ABLIM2: variants seen among roughly 807,000 people sequenced by gnomAD.
ABLIM2 encodes actin-binding LIM protein 2.
ABLIM2 carries 53 observed loss-of-function variants against 97.7 expected under a neutral mutation model. The ratio of observed to expected loss-of-function variants is 0.54; its 90% CI spans 0.44 to 0.68. The LOEUF (loss-of-function observed/expected upper bound fraction) is 0.68. ABLIM2 is among the 30% of genes least tolerant of loss of function. The pLI is 0.00. For synonymous variants in ABLIM2, 361 were observed against 345.8 expected, an observed-to-expected ratio of 1.04 and a Z score of -0.49; for missense variants, 835 against 867.2, an observed-to-expected ratio of 0.96 and a Z score of 0.47.
chr4:8,010,355 A>C (rs998852806), intron 14 of ABLIM2: 1 of 985,164 alleles, frequency 1.0e-6, no homozygotes, highest in African/African-American at 1.7e-5. Context: ...ACAATTACAC[A>C]AAAACCCGTC....
At chr4:8,131,849 G>C (rs1024863277) in intron 1 of ABLIM2, among the ~76,000 whole-genome samples, 3 of 119,432 alleles carry the variant, frequency 2.5e-5, no homozygotes, top group Non-Finnish European at 4.8e-5. Flanking sequence ...GCATCCCTGA[G>C]CACAGCAGCC....
rs113454873 is a variant in ABLIM2 at position 8,140,481 on chromosome 4, G to T, written c.10+18199C>A. 6.6e-6 allele frequency among the ~76,000 whole-genome samples: 1 copy of T among 152,118 alleles called. No individual in the cohort carries two copies. The highest frequency in any genetic ancestry group is 2.4e-5 in the African/African-American group (1 of 41,394). On this transcript the variant is annotated intron_variant, in intron 1 of 20. Transcript: ENST00000447017. The surrounding 1 kb of genome is among the most constrained non-coding windows in gnomAD (Gnocchi z 5.9). ...CCACCTGGAGGCTTGGAAACCTGGCGGGGAGCATGGGGGAAAGGGGGCAGT... is the reference window on the plus strand; with the variant it reads ...CCACCTGGAGGCTTGGAAACCTGGCTGGGAGCATGGGGGAAAGGGGGCAGT...
At position 8,149,531 on chromosome 4, in the gene ABLIM2, A is replaced by T. The variant is rs528058534; in HGVS notation, c.10+9149T>A. Among the ~76,000 whole-genome samples the T allele has an allele frequency of 1.9e-3, 291 of 151,904 alleles. 2 individuals are homozygous for T. The highest frequency in any genetic ancestry group is 6.6e-3 in the African/African-American group (275 of 41,420). On this transcript the variant is annotated intron_variant, in intron 1 of 20. Transcript: ENST00000447017. This position sits in a 1 kb window ranked among gnomAD's most constrained non-coding sequence, Gnocchi z 6.4. ...AAGGAGGGAAGCAGAGGGCCTAGAG[A>T]TGGGAAGAAAGCTTCACAGAGGCCC...
At chr4:8,088,935 C>CT (rs1825564275) in intron 3 of ABLIM2, among the ~76,000 whole-genome samples, 1 of 152,176 alleles carries the variant, frequency 6.6e-6, no homozygotes, top group South Asian at 2.1e-4. Flanking sequence ...ACCTGGGCCT[C>CT]TAAGAGGGCA....
At chr4:8,040,604 C>G (rs1787747040) in intron 9 of ABLIM2, among the ~76,000 whole-genome samples, 1 of 131,932 alleles carries the variant, frequency 7.6e-6, no homozygotes, top group African/African-American at 2.7e-5. Context: ...GAGCGAGACT[C>G]CATTTCAAAA....
At chr4:8,107,206 A>T (rs1381925834) in intron 1 of ABLIM2, among the ~76,000 whole-genome samples, 2 of 152,274 alleles carry the variant, frequency 1.3e-5, no homozygotes, top group Admixed American at 1.3e-4. Flanking sequence ...AAGCCACCAC[A>T]GTACAGGACA....
In ABLIM2 at chr4:7,985,067, G is replaced by A. The variant is rs997211233; in HGVS notation, c.1681-174C>T. ...CAGAAGGACAGCAACAGTGGCTTGG[G>A]AAGGGGAGAGTCCAGGATGCTGTGC... On this transcript the variant is annotated intron_variant, in intron 17 of 20. Coordinates refer to ENST00000447017, the MANE Select transcript of ABLIM2 (RefSeq NM_001130083.2). 5.3e-5 allele frequency among the ~76,000 whole-genome samples: 8 copies of A among 152,338 alleles called. No homozygotes were observed. In the South Asian group the frequency reaches 6.2e-4, roughly 12 times the overall value.
chr4:8,145,549 G>A (rs1339436797), intron 1 of ABLIM2, among the ~76,000 whole-genome samples: 3 of 151,968 alleles, frequency 2.0e-5, no homozygotes, highest in East Asian at 1.9e-4. Context: ...AGCGCCGGGG[G>A]TTCCTGAGGT....
intron 1 of ABLIM2, among the ~76,000 whole-genome samples, chr4:8,151,991 C>T (rs1268473030): frequency 6.6e-6 from 1 of 152,088 alleles, no homozygotes; most frequent in Non-Finnish European, 1.5e-5. Context: ...AGGCAGGAAC[C>T]CCCATAGGAG....
At chr4:8,057,918 G>C (rs974975830) in intron 7 of ABLIM2, among the ~76,000 whole-genome samples, 1 of 152,200 alleles carries the variant, frequency 6.6e-6, no homozygotes, top group Non-Finnish European at 1.5e-5. Context: ...GGTGCCCCAA[G>C]GAGGCCTGTG....
chr4:8,036,194 T>C lies in ABLIM2; in HGVS notation c.1002A>G (p.Ser334=), dbSNP rs772818012. ...CCCCTGCAGAGTGGCTGATGTAGGG[T>C]GAGTAGGAGATCATGTCGGGGCGGT... is the stretch of plus-strand genomic sequence containing the variant. ...DIDRPDMISY[S]PYISHSAGDR... is the part of the protein sequence containing the mutation. Residue 334 remains serine, a synonymous_variant, in exon 10 of 21, where the codon TCA becomes TCG. Coordinates refer to ENST00000447017, the MANE Select transcript of ABLIM2 (RefSeq NM_001130083.2). The C allele has an allele frequency of 6.2e-7, 1 of 1,612,886 alleles. No homozygotes were observed. The highest frequency in any genetic ancestry group is 8.5e-7 in the Non-Finnish European group (1 of 1,179,530).
rs796877068 is a variant in ABLIM2, at chr4:8,003,561, C to CTTTT, written c.1618+4494_1618+4497dup. Among the ~76,000 whole-genome samples the CTTTT allele has an allele frequency of 1.0e-4, 12 of 120,178 alleles. No individual in the cohort carries two copies. The highest frequency in any genetic ancestry group is 1.7e-4 in the Admixed American group (2 of 11,664). 78.8% of individuals were successfully genotyped at this position (120,178 alleles called of 152,430 possible). ...ACCACTACGCTCTTCTTCCAGTTTT[C>CTTTT]TTTTTTTTTTTTTTTTTTTTTGGAG... On this transcript the variant is annotated intron_variant, in intron 16 of 20. Coordinates refer to ENST00000447017, the MANE Select transcript of ABLIM2 (RefSeq NM_001130083.2). This position sits in a 1 kb window ranked among gnomAD's most constrained non-coding sequence, Gnocchi z 4.2.
At chr4:8,092,391 A>T (rs112965824) in intron 3 of ABLIM2, among the ~76,000 whole-genome samples, 5 of 152,206 alleles carry the variant, frequency 3.3e-5, no homozygotes, top group African/African-American at 1.2e-4. Context: ...CTGGGAACGG[A>T]ATCATGCAAA....
chr4:8,077,640 C>A lies in ABLIM2; in HGVS notation c.663G>T (p.Gly221=). The change falls in exon 6 of 21, where the codon GGG becomes GGT. Residue 221 remains glycine, a synonymous_variant. Coordinates refer to ENST00000447017, the MANE Select transcript of ABLIM2 (RefSeq NM_001130083.2). ...CCGCCGCGCTTACCTCCAGCACGCG[C>A]CCCGTGATGTATTTCTCACAGCTGT... is the stretch of plus-strand genomic sequence containing the variant. The part of the protein sequence containing the change: ...RCDSCEKYIT[G]RVLEAGEKHY... The A allele has an allele frequency of 1.2e-6, 2 of 1,611,300 alleles. No individual in the cohort carries two copies. Among genetic ancestry groups the A allele is most frequent in the Non-Finnish European group, 8.5e-7 (1 of 1,178,706 alleles).
intron 2 of ABLIM2, among the ~76,000 whole-genome samples, chr4:8,102,483 T>C (rs1223140216): frequency 6.6e-6 from 1 of 152,230 alleles, no homozygotes; most frequent in African/African-American, 2.4e-5. Flanking sequence ...TCTGTCTTGT[T>C]CATGGCTATC....
At chr4:8,090,942 T>C (rs898777550) in intron 3 of ABLIM2, among the ~76,000 whole-genome samples, 10 of 152,200 alleles carry the variant, frequency 6.6e-5, no homozygotes, top group Middle Eastern at 3.4e-3. Context: ...TTAAGCACGG[T>C]TGCCAACCAG....
Position 8,072,030 on chromosome 4 carries a change from C to T in ABLIM2, c.675+5598G>A. ...CCGCCCGCAGTTCCCACCTTGCACC[C>T]GGGGAGGATGCTCAGAGCTGTGCAG... On this transcript the variant is annotated intron_variant, in intron 6 of 20. Transcript: ENST00000447017. This position sits in a 1 kb window ranked among gnomAD's most constrained non-coding sequence, Gnocchi z 5.8. 4 of 985,448 alleles carry T rather than the reference C, an allele frequency of 4.1e-6. No individual in the cohort carries two copies. Among genetic ancestry groups the T allele is most frequent in the Non-Finnish European group, 3.6e-6 (3 of 829,964 alleles). 61.0% of individuals were successfully genotyped at this position (985,448 alleles called of 1,614,324 possible).
intron 7 of ABLIM2, among the ~76,000 whole-genome samples, chr4:8,056,910 C>T (rs1225232661): frequency 2.7e-5 from 3 of 110,058 alleles, no homozygotes; most frequent in African/African-American, 1.1e-4. Flanking sequence ...CCACCCTGGG[C>T]GACAGAGCGA....
At position 8,085,607 on chromosome 4, in the gene ABLIM2, G is replaced by A. The variant is rs1262369162; in HGVS notation, c.454+2562C>T. On this transcript the variant is annotated intron_variant, in intron 4 of 20. Coordinates refer to ENST00000447017, the MANE Select transcript of ABLIM2 (RefSeq NM_001130083.2). The surrounding 1 kb of genome is among the most constrained non-coding windows in gnomAD (Gnocchi z 6.1). The stretch of plus-strand genomic sequence containing the variant: ...CCCCGTCCACTCACGCGGGTCTGGG[G>A]GGTGCCCACGCTGCAGCCCTGTCCA... 6.6e-6 allele frequency among the ~76,000 whole-genome samples: 1 copy of A among 150,426 alleles called. No individual in the cohort carries two copies. The highest frequency in any genetic ancestry group is 1.5e-5 in the Non-Finnish European group (1 of 67,620).
Sources: allele counts gnomAD v4.1 joint callset (sites outside exome capture counted in the v4.1 genomes callset), GRCh38; gene constraint gnomAD v4.1.1; non-coding constraint Gnocchi (gnomAD v3.1); transcripts MANE v1.5; gene names NCBI Gene and HGNC (gene_info 2026-07-23, HGNC 2026-07-21).